The following HS6ST2 variants were observed in gnomAD, a reference collection of about 807,000 sequenced individuals.
HS6ST2 encodes heparan-sulfate 6-O-sulfotransferase 2.
Under a neutral mutation model 33.0 loss-of-function variants are expected in HS6ST2, and 17 were observed. The observed-to-expected ratio is 0.52, with a 90% CI of 0.35 to 0.77. The LOEUF (loss-of-function observed/expected upper bound fraction) is 0.77. Ranked by LOEUF, HS6ST2 falls within the 30% of genes least tolerant of loss-of-function variation. The pLI is 0.01. For synonymous variants in HS6ST2, 248 were observed against 237.1 expected (o/e 1.05, Z -0.42); for missense variants, 519 against 551.7 (o/e 0.94, Z 0.59).
intron 2 of HS6ST2, among the ~76,000 whole-genome samples, chrX:132,956,532 C>T (rs1371042552): frequency 8.9e-6 from 1 of 112,348 alleles, no homozygotes; most frequent in African/African-American, 3.2e-5. Flanking sequence ...GGCCCCGTTC[C>T]GGCCGCTCGG....
intron 2 of HS6ST2, among the ~76,000 whole-genome samples, chrX:132,896,682 C>T (rs2066379744): frequency 9.0e-6 from 1 of 111,422 alleles, no homozygotes; most frequent in South Asian, 3.8e-4. Context: ...AAATATCTCA[C>T]ATACCCCATA....
intron 3 of HS6ST2, among the ~76,000 whole-genome samples, chrX:132,702,899 G>C: frequency 8.9e-6 from 1 of 111,802 alleles, no homozygotes; most frequent in East Asian, 2.8e-4. Context: ...CATAATAAGT[G>C]CTCAATAGAT....
intron 4 of HS6ST2, among the ~76,000 whole-genome samples, chrX:132,665,140 T>C (rs1406795710): frequency 1.8e-5 from 2 of 112,130 alleles, no homozygotes; most frequent in Non-Finnish European, 3.8e-5. Context: ...CCGCTACTGC[T>C]ACATTTTTTT....
chrX:132,828,678 T>TTATATATATATATATATATATATA (rs1176610550), intron 2 of HS6ST2, among the ~76,000 whole-genome samples: 4 of 53,238 alleles, frequency 7.5e-5, no homozygotes, highest in African/African-American at 1.8e-4. Context: ...ATATCATATT[T>TTATATATATATATATATATATATA]TATATATATA....
intron 2 of HS6ST2, among the ~76,000 whole-genome samples, chrX:132,824,263 T>A (rs2065494207): frequency 8.9e-6 from 1 of 112,178 alleles, no homozygotes; most frequent in African/African-American, 3.2e-5. Context: ...CACTTCACTA[T>A]GGCAGGGACT....
intron 2 of HS6ST2, among the ~76,000 whole-genome samples, chrX:132,938,198 A>T (rs776285596): frequency 9.1e-6 from 1 of 109,496 alleles, no homozygotes; most frequent in Non-Finnish European, 1.9e-5. Flanking sequence ...AATAAAGAGA[A>T]AAAAACACAA....
At chrX:132,664,852 GC>G (rs2063798089) in intron 4 of HS6ST2, among the ~76,000 whole-genome samples, 1 of 111,883 alleles carries the variant, frequency 8.9e-6, no homozygotes, top group South Asian at 3.8e-4. Context: ...TTAAGTGGAT[GC>G]CTCTGAATGT....
intron 2 of HS6ST2, among the ~76,000 whole-genome samples, chrX:132,901,641 C>T (rs983378454): frequency 1.8e-5 from 2 of 111,532 alleles, no homozygotes; most frequent in African/African-American, 3.3e-5. Context: ...GAAAACAATT[C>T]TAGGTATGGT....
intron 2 of HS6ST2, among the ~76,000 whole-genome samples, chrX:132,884,924 G>C (rs2066232000): frequency 1.8e-5 from 2 of 111,716 alleles, no homozygotes; most frequent in African/African-American, 6.5e-5. Context: ...TCATGGCGTA[G>C]AAGGTAATTC....
intron 2 of HS6ST2, among the ~76,000 whole-genome samples, chrX:132,852,831 G>A (rs1471024119): frequency 1.8e-5 from 2 of 111,997 alleles, no homozygotes; most frequent in Non-Finnish European, 3.8e-5. Flanking sequence ...AGTAGGAGAG[G>A]GGTTCAGAAT....
intron 2 of HS6ST2, among the ~76,000 whole-genome samples, chrX:132,837,580 T>C (rs773591191): frequency 6.8e-4 from 76 of 111,850 alleles, no homozygotes; most frequent in African/African-American, 2.3e-3. Flanking sequence ...AGGAACCCTG[T>C]GTGGCAGGTT....
chrX:132,765,418 A>ATGTGTG (rs35292964), intron 2 of HS6ST2, among the ~76,000 whole-genome samples: 1 of 108,457 alleles, frequency 9.2e-6, no homozygotes, highest in Non-Finnish European at 1.9e-5. Context: ...GTGTGTGTGC[A>ATGTGTG]TGTGTGTGTG....
intron 3 of HS6ST2, among the ~76,000 whole-genome samples, chrX:132,695,290 C>A (rs926129402): frequency 1.2e-4 from 13 of 111,599 alleles, no homozygotes; most frequent in Non-Finnish European, 2.4e-4. Flanking sequence ...TAAGAAAGTA[C>A]TATGGTAATG....
intron 4 of HS6ST2, among the ~76,000 whole-genome samples, chrX:132,634,954 A>G (rs2063542711): frequency 9.0e-6 from 1 of 111,481 alleles, no homozygotes; most frequent in Admixed American, 9.5e-5. Flanking sequence ...TTGGGAAACC[A>G]TCTCACAGTG....
intron 2 of HS6ST2, among the ~76,000 whole-genome samples, chrX:132,780,562 G>C (rs1186596828): frequency 9.0e-6 from 1 of 111,480 alleles, no homozygotes; most frequent in East Asian, 2.8e-4. Flanking sequence ...CATCAGGGCA[G>C]TGCCACAGGC....
At chrX:132,700,172 C>T (rs977103659) in intron 3 of HS6ST2, among the ~76,000 whole-genome samples, 15 of 111,931 alleles carry the variant, frequency 1.3e-4, no homozygotes, top group Non-Finnish European at 1.7e-4. Context: ...ATGCCGTTTA[C>T]GGATGGTTTG....
At chrX:132,737,044 C>T (rs369050146) in intron 2 of HS6ST2, among the ~76,000 whole-genome samples, 1 of 111,876 alleles carries the variant, frequency 8.9e-6, no homozygotes, top group East Asian at 2.8e-4. Flanking sequence ...AGAATGAATG[C>T]TTGAGCTGTA....
intron 4 of HS6ST2, among the ~76,000 whole-genome samples, chrX:132,636,798 C>T (rs1211848688): frequency 7.1e-5 from 8 of 112,076 alleles, no homozygotes; most frequent in Non-Finnish European, 1.5e-4. Context: ...TCACTAACCC[C>T]CATGAAGGGT....
intron 2 of HS6ST2, among the ~76,000 whole-genome samples, chrX:132,906,490 T>C (rs1323220686): frequency 1.8e-5 from 2 of 111,738 alleles, no homozygotes; most frequent in African/African-American, 6.5e-5. Flanking sequence ...CATATTATTT[T>C]ATTTTTCTCA....
Sources: gnomAD v4.1 joint callset for allele counts (sites outside exome capture counted in the v4.1 genomes callset) on GRCh38, gnomAD v4.1.1 for gene constraint, MANE v1.5 for transcripts, NCBI Gene and HGNC (gene_info 2026-07-23, HGNC 2026-07-21) for gene names.